The following MDN1 variants were observed in gnomAD, a reference collection of about 807,000 sequenced individuals.
The protein encoded by MDN1 is midasin.
A neutral mutation model predicts 669.2 loss-of-function variants in MDN1; 266 were observed. The observed-to-expected ratio is 0.40, with a 90% confidence interval of 0.36 to 0.44. MDN1 has a LOEUF of 0.44. MDN1 is among the 20% of genes least tolerant of loss of function. The pLI, the probability that MDN1 is intolerant of heterozygous loss-of-function variation, is 1.00. For synonymous variants in MDN1, 2,385 were observed against 2,457.1 expected (o/e 0.97, Z 0.87); for missense variants, 5,940 against 6,754.0 (o/e 0.88, Z 4.22).
chr6:89,684,177 T>C (rs1811842373), intron 71 of MDN1, among the ~76,000 whole-genome samples: 1 of 152,072 alleles, frequency 6.6e-6, no homozygotes, highest in Non-Finnish European at 1.5e-5. Flanking sequence ...ACCCCGTCTC[T>C]ACTAAAAATA....
At chr6:89,796,333 A>C (rs1048302206) in intron 2 of MDN1, among the ~76,000 whole-genome samples, 27 of 107,776 alleles carry the variant, frequency 2.5e-4, no homozygotes, top group South Asian at 1.8e-3. Context: ...TCAAAAAAAA[A>C]AAAAAAAAAA....
rs918958109 is a variant in MDN1, at chr6:89,643,251, A to C, written c.*754T>G. On this transcript the variant is annotated 3_prime_UTR_variant, in exon 102 of 102. Coordinates refer to ENST00000369393, the MANE Select transcript of MDN1 (RefSeq NM_014611.3). ...AAAAAATGAACTAAACAAATAAATT[A>C]CTACAACAACAGGGACCATGGCACT... The C allele has an allele frequency of 6.6e-6, 1 of 152,156 alleles. No homozygotes were observed. The highest frequency in any genetic ancestry group is 2.4e-5 in the African/African-American group (1 of 41,432). The allele number at this position is 152,156 out of a possible 1,614,324, so 9.4% of individuals were successfully genotyped here.
chr6:89,772,507 T>TA, intron 14 of MDN1, 66 bp downstream of exon 14: 1 of 1,562,744 alleles, frequency 6.4e-7, no homozygotes, highest in Non-Finnish European at 8.7e-7. Context: ...TTAGTATTTT[T>TA]AAAAAAGGAA....
In MDN1 at chr6:89,650,098, G is replaced by C. The variant is rs142005260; in HGVS notation, c.16132C>G (p.Pro5378Ala). 1.1e-4 allele frequency: 171 copies of C among 1,613,986 alleles called. No individual in the cohort carries two copies. The highest frequency in any genetic ancestry group is 1.4e-4 in the Non-Finnish European group (165 of 1,180,034). The part of the protein sequence containing the change: ...KDKIWLRRTK[P>A]SKRQYQICLA... ...CAAATCTGATACTGGCGTTTACTGG[G>C]CTTGGTCCTTCGAAGCCAAATCTTG... Residue 5378 changes from proline to alanine, a missense_variant, in exon 97 of 102, where the codon CCC becomes GCC. Coordinates refer to ENST00000369393, the MANE Select transcript of MDN1 (RefSeq NM_014611.3).
chr6:89,817,692 CCAGTCAACAA>C (rs1768933315), intron 1 of MDN1, among the ~76,000 whole-genome samples: 1 of 152,158 alleles, frequency 6.6e-6, no homozygotes, highest in Non-Finnish European at 1.5e-5. Context: ...GGAGGTGACT[CCAGTCAACAA>C]TAGTAGAGGG....
Position 89,643,930 on chromosome 6 carries a change from C to T in MDN1, c.*75G>A. On this transcript the variant is annotated 3_prime_UTR_variant, in exon 102 of 102. Transcript: ENST00000369393. ...TACAATAAAATTTTTTGTAGTTGTC[C>T]AAAAGGGAGCACCTGGGTAAGCAAT... 7.7e-7 allele frequency: 1 copy of T among 1,300,556 alleles called. No homozygotes were observed. 80.6% of individuals were successfully genotyped at this position (1,300,556 alleles called of 1,614,324 possible).
At chr6:89,677,203 T>C in intron 76 of MDN1, among the ~76,000 whole-genome samples, 1 of 152,100 alleles carries the variant, frequency 6.6e-6, no homozygotes, top group East Asian at 1.9e-4. Context: ...GTGATACTCC[T>C]TGCCTCGGCC....
chr6:89,730,606 T>C (rs890394543), intron 35 of MDN1, 120 bp downstream of exon 35: 7 of 755,766 alleles, frequency 9.3e-6, no homozygotes, highest in African/African-American at 8.8e-5. Context: ...CAAGTCAGAA[T>C]CTAACTCAGT....
intron 93 of MDN1, 101 bp downstream of exon 93, chr6:89,654,063 T>C: frequency 7.5e-7 from 1 of 1,335,020 alleles, no homozygotes; most frequent in Non-Finnish European, 1.0e-6. Context: ...AAGCCATGGA[T>C]TAGGACATGG....
Position 89,787,862 on chromosome 6 carries a change from T to G in MDN1, c.1326A>C (p.Ala442=), listed in dbSNP as rs147315926. 14 of 1,612,450 alleles carry G rather than the reference T, an allele frequency of 8.7e-6. No individual in the cohort carries two copies. Among genetic ancestry groups the G allele is most frequent in the Admixed American group, 1.7e-5 (1 of 59,770 alleles). ...LKVAPGFQFF[A]TRRLLSCGGN... is the part of the protein sequence containing the mutation. Reference sequence around the variant, plus strand: ...AGGTTACTAGTACATACCTCCTGGTTGCAAAAAACTGAAATCCAGGTGCCA... The same window carrying G: ...AGGTTACTAGTACATACCTCCTGGTGGCAAAAAACTGAAATCCAGGTGCCA... Residue 442 remains alanine (A), a synonymous_variant, in exon 8 of 102, where the codon GCA becomes GCC. Transcript: ENST00000369393.
At chr6:89,659,822 A>T (rs959797990) in intron 88 of MDN1, among the ~76,000 whole-genome samples, 3 of 152,240 alleles carry the variant, frequency 2.0e-5, no homozygotes, top group Non-Finnish European at 4.4e-5. Flanking sequence ...ATCAAAAGAG[A>T]TTTTCTATAC....
At chr6:89,811,589 G>A (rs916243393) in intron 1 of MDN1, among the ~76,000 whole-genome samples, 2 of 152,074 alleles carry the variant, frequency 1.3e-5, no homozygotes, top group Non-Finnish European at 2.9e-5. Context: ...GGGACTACAG[G>A]AGTGTGCCAC....
chr6:89,790,684 GAC>G (rs1227216346), intron 5 of MDN1, among the ~76,000 whole-genome samples: 1 of 151,616 alleles, frequency 6.6e-6, no homozygotes, highest in Non-Finnish European at 1.5e-5. Context: ...CAGCCTGGGT[GAC>G]ACAGAGACCC....
chr6:89,674,607 T>A lies in MDN1; in HGVS notation c.12762-18A>T. ...GGAGGTTCCTGTACAGAGAAACCCA[T>A]GGGAAAAACACAATGAATGGCACCT... On this transcript the variant is annotated intron_variant, in intron 78 of 101. Transcript: ENST00000369393. 6.6e-7 allele frequency: 1 copy of A among 1,511,980 alleles called. No individual in the cohort carries two copies. Among genetic ancestry groups the A allele is most frequent in the African/African-American group, 1.4e-5 (1 of 72,038 alleles). The allele number at this position is 1,511,980 out of a possible 1,614,324, so 93.7% of individuals were successfully genotyped here.
intron 12 of MDN1, among the ~76,000 whole-genome samples, chr6:89,775,724 C>T (rs1024344421): frequency 1.3e-5 from 2 of 152,032 alleles, no homozygotes; most frequent in South Asian, 2.1e-4. Context: ...CTGGATCTGT[C>T]GCCCACGTTG....
At chr6:89,650,629 C>T (rs1338183959) in intron 96 of MDN1, 103 bp downstream of exon 96, 1 of 860,344 alleles carries the variant, frequency 1.2e-6, no homozygotes, top group Admixed American at 2.3e-5. Context: ...AAGCGGCAGC[C>T]TAGAAGCTGG....
intron 33 of MDN1, among the ~76,000 whole-genome samples, chr6:89,735,588 TAC>T (rs1259136169): frequency 2.6e-5 from 4 of 152,128 alleles, no homozygotes; most frequent in Non-Finnish European, 5.9e-5. Flanking sequence ...ATAATATTAC[TAC>T]AGAGATTTGT....
At position 89,662,770 on chromosome 6, in the gene MDN1, A is replaced by C. The variant is rs370361606; in HGVS notation, c.14412+22T>G. On this transcript the variant is annotated intron_variant, in intron 86 of 101. Coordinates refer to ENST00000369393, the MANE Select transcript of MDN1 (RefSeq NM_014611.3). Reference sequence around the variant, plus strand: ...ATTACCTCCTCTCAGCTTGTTTGGGAGGGGAGAAATCTTTGAATTACCTCA... The same window carrying C: ...ATTACCTCCTCTCAGCTTGTTTGGGCGGGGAGAAATCTTTGAATTACCTCA... The C allele has an allele frequency of 3.1e-6, 5 of 1,612,726 alleles. No homozygotes were observed. The African/African-American group carries it at 6.7e-5, about 22-fold the overall frequency.
intron 53 of MDN1, among the ~76,000 whole-genome samples, chr6:89,705,437 T>G (rs1431016549): frequency 1.3e-5 from 2 of 152,198 alleles, no homozygotes; most frequent in African/African-American, 4.8e-5. Flanking sequence ...TTCCATTTAA[T>G]CCACATGTGA....
Sources: gnomAD v4.1 joint callset for allele counts (sites outside exome capture counted in the v4.1 genomes callset) on GRCh38, gnomAD v4.1.1 for gene constraint, MANE v1.5 for transcripts, NCBI Gene and HGNC (gene_info 2026-07-23, HGNC 2026-07-21) for gene names.